Variants in GID8 observed in about 807,000 individuals in gnomAD.
GID8 encodes the protein GID complex subunit 8 homolog, also known as glucose-induced degradation protein 8 homolog.
Under a neutral mutation model 27.4 loss-of-function variants are expected in GID8, and 6 were observed. The observed-to-expected ratio is 0.22, with a 90% CI of 0.12 to 0.43. GID8 has a LOEUF of 0.43. GID8 is among the 20% of genes least tolerant of loss of function. The pLI is 1.00. For synonymous variants in GID8, 112 were observed against 109.0 expected (o/e 1.03, Z -0.17); for missense variants, 173 against 287.6 (o/e 0.60, Z 2.88).
chr20:62,939,699 G>C (rs1219497174), intron 1 of GID8, among the ~76,000 whole-genome samples: 3 of 152,088 alleles, frequency 2.0e-5, no homozygotes, highest in Non-Finnish European at 4.4e-5. Context: ...AAAGCATCTT[G>C]ATCTCACCTT....
chr20:62,941,237 G>A (rs1470992692), intron 1 of GID8, among the ~76,000 whole-genome samples: 1 of 152,284 alleles, frequency 6.6e-6, no homozygotes. Context: ...GAGCACACAT[G>A]TTCAGCTTTG....
intron 4 of GID8, among the ~76,000 whole-genome samples, chr20:62,944,135 G>T (rs2065455758): frequency 6.6e-6 from 1 of 152,086 alleles, no homozygotes; most frequent in Non-Finnish European, 1.5e-5. Flanking sequence ...CCTCTCTCTG[G>T]CTTTTAATCT....
rs1366445943 is a variant in GID8, at chr20:62,939,545, T to C, written c.-13+1292T>C. ...AGTCACGTCAAACTTGCCCTGCTTC[T>C]CAAACCTGTTCTTCTTCCAGTCCTT... On this transcript the variant is annotated intron_variant, in intron 1 of 4. Coordinates refer to ENST00000266069, the MANE Select transcript of GID8 (RefSeq NM_017896.3). Among the ~76,000 whole-genome samples the C allele has an allele frequency of 2.0e-5, 3 of 152,110 alleles. No individual in the cohort carries two copies. The East Asian group carries it at 5.8e-4, about 29-fold the overall frequency.
Position 62,941,614 on chromosome 20 carries a change from G to GACCAGGTAGT in GID8, c.112_113insACCAGGTAGT (p.Val38AspfsTer9). On this transcript the variant is annotated frameshift_variant, in exon 2 of 5. Coordinates refer to ENST00000266069, the MANE Select transcript of GID8 (RefSeq NM_017896.3). LOFTEE classifies it high-confidence loss of function. ...GAACCGCCTCATCATGAACTACCTG[G>GACCAGGTAGT]TCACAGGTAATGGCTTACAGTGAGG... is the stretch of plus-strand genomic sequence containing the variant. 3.3e-6 allele frequency: 5 copies of GACCAGGTAGT among 1,528,070 alleles called. No individual in the cohort carries two copies. The highest frequency in any genetic ancestry group is 4.5e-6 in the Non-Finnish European group (5 of 1,101,304). 94.7% of individuals were successfully genotyped at this position (1,528,070 alleles called of 1,614,324 possible). A position where few individuals can be genotyped will look rare whatever the true frequency, so the allele number is the denominator to read the frequency against.
intron 4 of GID8, among the ~76,000 whole-genome samples, chr20:62,944,234 T>C (rs2065456071): frequency 6.6e-6 from 1 of 152,178 alleles, no homozygotes; most frequent in African/African-American, 2.4e-5. Context: ...ATCTGAACCT[T>C]CTTTCTGTTT....
rs1458363924 is a variant in GID8, at chr20:62,946,880, C to CT, written c.*1971dup. 8 of 152,204 alleles carry CT rather than the reference C, an allele frequency of 5.3e-5. No individual in the cohort carries two copies. The highest frequency in any genetic ancestry group is 1.3e-4 in the Admixed American group (2 of 15,276). The allele number at this position is 152,204 out of a possible 1,614,324, so 9.4% of individuals were successfully genotyped here. A position where few individuals can be genotyped will look rare whatever the true frequency, so the allele number is the denominator to read the frequency against. The stretch of plus-strand genomic sequence containing the variant: ...GGTGATTCAGCATATTCCTAATTAC[C>CT]TTTCACTATTCGTGTATATAAGATC... On this transcript the variant is annotated 3_prime_UTR_variant, in exon 5 of 5. Transcript: ENST00000266069.
intron 1 of GID8, among the ~76,000 whole-genome samples, chr20:62,939,639 C>A (rs546387476): frequency 6.6e-6 from 1 of 152,268 alleles, no homozygotes; most frequent in South Asian, 2.1e-4. Flanking sequence ...TTCTATTCTT[C>A]CCTCTCTTTT....
intron 1 of GID8, chr20:62,938,681 T>G (rs1390152433): frequency 1.3e-5 from 2 of 152,256 alleles, no homozygotes; most frequent in African/African-American, 4.8e-5. Flanking sequence ...GCTGAATCTT[T>G]TTATGCTGGA....
chr20:62,946,164 C>T lies in GID8; in HGVS notation c.*1252C>T. On this transcript the variant is annotated 3_prime_UTR_variant, in exon 5 of 5. Transcript: ENST00000266069. ...AGTGGATGTTCGTGGAATTGCTGAC[C>T]CATCCAAGGGCGTCCTTTGGAGCCA... The T allele has an allele frequency of 1.8e-6, 1 of 554,350 alleles. No homozygotes were observed. The allele number at this position is 554,350 out of a possible 1,614,324, so 34.3% of individuals were successfully genotyped here. A position where few individuals can be genotyped will look rare whatever the true frequency, so the allele number is the denominator to read the frequency against.
rs1240094949 is a variant in GID8 at position 62,943,299 on chromosome 20, G to A, written c.315+116G>A. 5.1e-6 allele frequency: 5 copies of A among 974,900 alleles called. No homozygotes were observed. The highest frequency in any genetic ancestry group is 2.5e-5 in the Admixed American group (1 of 40,690). 60.4% of individuals were successfully genotyped at this position (974,900 alleles called of 1,614,324 possible). A position where few individuals can be genotyped will look rare whatever the true frequency, so the allele number is the denominator to read the frequency against. On this transcript the variant is annotated intron_variant, in intron 3 of 4. Transcript: ENST00000266069. The surrounding 1 kb of genome is among the most constrained non-coding windows in gnomAD (Gnocchi z 4.7). ...TTAATAATGTTATTTCAATGCATGT[G>A]AGGGGGAGAGGTTTGAGTTTGCTCT...
rs774398702 is a variant in GID8 at position 62,941,475 on chromosome 20, T to A, written c.-12-16T>A. ...GCATCTAAACCCCTCCCTCAGCTGT[T>A]ATTTTTTTCCTGTAGAAATAAATCA... On this transcript the variant is annotated splice_polypyrimidine_tract_variant and intron_variant, in intron 1 of 4. Transcript: ENST00000266069. 3.5e-6 allele frequency: 5 copies of A among 1,416,442 alleles called. No individual in the cohort carries two copies. Among genetic ancestry groups the A allele is most frequent in the Non-Finnish European group, 3.0e-6 (3 of 1,000,016 alleles). 87.7% of individuals were successfully genotyped at this position (1,416,442 alleles called of 1,614,324 possible).
Position 62,946,286 on chromosome 20 carries a change from T to C in GID8, c.*1374T>C, listed in dbSNP as rs1398078259. On this transcript the variant is annotated 3_prime_UTR_variant, in exon 5 of 5. Coordinates refer to ENST00000266069, the MANE Select transcript of GID8 (RefSeq NM_017896.3). ...AAGTAGCAAGGCATCTCGACAAGCA[T>C]GGTCTAGGTCTGGTGGCCAGCTTGC... The C allele has an allele frequency of 3.0e-6, 1 of 332,022 alleles. No homozygotes were observed. The highest frequency in any genetic ancestry group is 4.2e-5 in the Admixed American group (1 of 23,654). 20.6% of individuals were successfully genotyped at this position (332,022 alleles called of 1,614,324 possible).
Position 62,945,668 on chromosome 20 carries a change from T to C in GID8, c.*756T>C, listed in dbSNP as rs750313653. On this transcript the variant is annotated 3_prime_UTR_variant, in exon 5 of 5. Coordinates refer to ENST00000266069, the MANE Select transcript of GID8 (RefSeq NM_017896.3). ...AATGGCCTCTAAAAGATGTTAATCA[T>C]CTCAAATGACCTTTTGTCTTTGGGG... is the stretch of plus-strand genomic sequence containing the variant. 27 of 1,180,892 alleles carry C rather than the reference T, an allele frequency of 2.3e-5. No individual in the cohort carries two copies. Among genetic ancestry groups the C allele is most frequent in the Non-Finnish European group, 2.6e-5 (24 of 936,136 alleles). The allele number at this position is 1,180,892 out of a possible 1,614,324, so 73.2% of individuals were successfully genotyped here.
intron 1 of GID8, among the ~76,000 whole-genome samples, chr20:62,940,841 G>A (rs1253404590): frequency 1.3e-5 from 2 of 152,272 alleles, no homozygotes; most frequent in East Asian, 3.9e-4. Flanking sequence ...CTATTTGGTG[G>A]CCAAAACCTC....
In GID8 at chr20:62,945,128, G is replaced by A; in HGVS notation, c.*216G>A. 15 of 1,361,528 alleles carry A rather than the reference G, an allele frequency of 1.1e-5. No homozygotes were observed. The highest frequency in any genetic ancestry group is 1.4e-5 in the Non-Finnish European group (15 of 1,057,332). 84.3% of individuals were successfully genotyped at this position (1,361,528 alleles called of 1,614,324 possible). On this transcript the variant is annotated 3_prime_UTR_variant, in exon 5 of 5. Coordinates refer to ENST00000266069, the MANE Select transcript of GID8 (RefSeq NM_017896.3). Reference sequence around the variant, plus strand: ...CGTCTCTTTGGCAGTCTGATGCAGAGCCTGCACTCTGGCACTCGCTGAAGA... The same window carrying A: ...CGTCTCTTTGGCAGTCTGATGCAGAACCTGCACTCTGGCACTCGCTGAAGA...
rs2065452251 is a variant in GID8 at position 62,943,418 on chromosome 20, A to G, written c.316-77A>G. ...GTCTTCCCTCTGTGATGTACTTTTG[A>G]TTGGGACCTGGTACCACCTGCCCTA... is the stretch of plus-strand genomic sequence containing the variant. On this transcript the variant is annotated intron_variant, in intron 3 of 4. Transcript: ENST00000266069. The surrounding 1 kb of genome is among the most constrained non-coding windows in gnomAD (Gnocchi z 4.7). 1 of 1,346,634 alleles carries G rather than the reference A, an allele frequency of 7.4e-7. No individual in the cohort carries two copies. The allele number at this position is 1,346,634 out of a possible 1,614,324, so 83.4% of individuals were successfully genotyped here. A position where few individuals can be genotyped will look rare whatever the true frequency, so the allele number is the denominator to read the frequency against.
intron 1 of GID8, among the ~76,000 whole-genome samples, chr20:62,940,859 A>G (rs2065440028): frequency 6.6e-6 from 1 of 152,258 alleles, no homozygotes; most frequent in Non-Finnish European, 1.5e-5. Context: ...CTCACCAGGT[A>G]AAGTTTAATA....
In GID8 at chr20:62,945,696, TTCTTC is replaced by T; in HGVS notation, c.*785_*789del. ...CAAATGACCTTTTGTCTTTGGGGCG[TTCTTC>T]CCCCTGTGATAGCGGCAGTGGCTTT... On this transcript the variant is annotated 3_prime_UTR_variant, in exon 5 of 5. Coordinates refer to ENST00000266069, the MANE Select transcript of GID8 (RefSeq NM_017896.3). The T allele has an allele frequency of 2.5e-6, 3 of 1,189,430 alleles. No individual in the cohort carries two copies. The highest frequency in any genetic ancestry group is 3.2e-6 in the Non-Finnish European group (3 of 939,272). The allele number at this position is 1,189,430 out of a possible 1,614,324, so 73.7% of individuals were successfully genotyped here. A position where few individuals can be genotyped will look rare whatever the true frequency, so the allele number is the denominator to read the frequency against.
rs1025568687 is a variant in GID8, at chr20:62,945,360, T to C, written c.*448T>C. 5 of 989,396 alleles carry C rather than the reference T, an allele frequency of 5.1e-6. No individual in the cohort carries two copies. Among genetic ancestry groups the C allele is most frequent in the Non-Finnish European group, 6.0e-6 (5 of 831,416 alleles). The allele number at this position is 989,396 out of a possible 1,614,324, so 61.3% of individuals were successfully genotyped here. ...CCTTACCCCTGTGGTTTTTGTGTTT[T>C]TTTTTTTTTCTTTTTCCATAGGAAA... On this transcript the variant is annotated 3_prime_UTR_variant, in exon 5 of 5. Coordinates refer to ENST00000266069, the MANE Select transcript of GID8 (RefSeq NM_017896.3).
Sources: gnomAD v4.1 joint callset for allele counts (sites outside exome capture counted in the v4.1 genomes callset) on GRCh38, gnomAD v4.1.1 for gene constraint, Gnocchi (gnomAD v3.1) non-coding constraint, MANE v1.5 for transcripts, NCBI Gene and HGNC (gene_info 2026-07-23, HGNC 2026-07-21) for gene names.